Variants in TMEM94 observed in about 807,000 individuals in gnomAD.
TMEM94 encodes transmembrane protein 94.
In TMEM94, 81 loss-of-function variants were observed where a neutral mutation model predicts 158.6. That is an observed-to-expected ratio of 0.51 (90% confidence interval 0.43 to 0.61). The LOEUF (loss-of-function observed/expected upper bound fraction) is 0.61, where lower values mean the gene tolerates loss of function less well. Among genes scored for constraint, TMEM94 ranks in the 20% least tolerant of loss-of-function variants. The probability of loss-of-function intolerance (pLI) is 0.00; values close to 1 mark genes in which losing one functional copy is unlikely to be tolerated. For synonymous variants in TMEM94, 751 were observed against 730.7 expected, an observed-to-expected ratio of 1.03 and a Z score of -0.45; for missense variants, 1,435 against 1,762.0, an observed-to-expected ratio of 0.81 and a Z score of 3.32.
intron 18 of TMEM94, 131 bp downstream of exon 18, chr17:75,494,047 G>T (rs931880768): frequency 6.0e-6 from 5 of 828,216 alleles, no homozygotes; most frequent in Non-Finnish European, 7.4e-6. Flanking sequence ...ACAGCCCCAG[G>T]CTGGGACGCC....
Position 75,492,127 on chromosome 17 carries a change from C to G in TMEM94, c.1596+227C>G. On this transcript the variant is annotated intron_variant, in intron 14 of 31. Coordinates refer to ENST00000314256, the MANE Select transcript of TMEM94 (RefSeq NM_014738.6). The surrounding 1 kb of genome is among the most constrained non-coding windows in gnomAD (Gnocchi z 4.4). The stretch of plus-strand genomic sequence containing the variant: ...CTTGTAATCGCAATCACTGGTGTCC[C>G]TACTGGAACCTTCCAAATATACACA... 1.2e-6 allele frequency: 1 copy of G among 817,936 alleles called. No homozygotes were observed. The highest frequency in any genetic ancestry group is 1.8e-5 in the South Asian group (1 of 54,744). 50.7% of individuals were successfully genotyped at this position (817,936 alleles called of 1,614,324 possible).
intron 1 of TMEM94, among the ~76,000 whole-genome samples, chr17:75,471,139 C>T (rs2050485806): frequency 6.8e-6 from 1 of 147,020 alleles, no homozygotes; most frequent in Non-Finnish European, 1.5e-5. Flanking sequence ...TGGGAGGCTG[C>T]AGCAGGGAAT....
chr17:75,483,574 C>G (rs1288678651), intron 2 of TMEM94, among the ~76,000 whole-genome samples: 3 of 151,894 alleles, frequency 2.0e-5, no homozygotes, highest in Non-Finnish European at 4.4e-5. Context: ...ATTCTCATGC[C>G]TCAGCCACCC....
In TMEM94 at chr17:75,489,515, G is replaced by A; in HGVS notation, c.868-61G>A. On this transcript the variant is annotated intron_variant, in intron 8 of 31. Transcript: ENST00000314256. This position sits in a 1 kb window ranked among gnomAD's most constrained non-coding sequence, Gnocchi z 5.0. ...GTGGAGTAGCAAAGGAAGGGGAACG[G>A]CAGTGCCTGGGTCCCTCTAGAGGGG... The A allele has an allele frequency of 6.6e-7, 1 of 1,526,682 alleles. No homozygotes were observed. Among genetic ancestry groups the A allele is most frequent in the Non-Finnish European group, 9.1e-7 (1 of 1,100,630 alleles). 94.6% of individuals were successfully genotyped at this position (1,526,682 alleles called of 1,614,324 possible).
chr17:75,492,452 C>A lies in TMEM94; in HGVS notation c.1597-22C>A. On this transcript the variant is annotated intron_variant, in intron 14 of 31. Transcript: ENST00000314256. This position sits in a 1 kb window ranked among gnomAD's most constrained non-coding sequence, Gnocchi z 4.4. ...CCCCACACCCTATCCCGGGCTGAGGCTCTCCTCCACATTTCCCCCAGACCC... is the reference window on the plus strand; with the variant it reads ...CCCCACACCCTATCCCGGGCTGAGGATCTCCTCCACATTTCCCCCAGACCC... 1 of 1,557,782 alleles carries A rather than the reference C, an allele frequency of 6.4e-7. No homozygotes were observed.
At position 75,493,592 on chromosome 17, in the gene TMEM94, A is replaced by C; in HGVS notation, c.2188A>C (p.Arg730=). ...ADIYPLSGSD[R]KKVLDFYQRA... ...CATCTACCCTCTCTCGGGATCTGAC[A>C]GGTGGGTGAGGAAGCACATGCCAGC... Residue 730 remains arginine (R), a splice_region_variant and synonymous_variant, in exon 17 of 32, where the codon AGA becomes CGA. Transcript: ENST00000314256. 1 of 1,613,940 alleles carries C rather than the reference A, an allele frequency of 6.2e-7. No homozygotes were observed. Among genetic ancestry groups the C allele is most frequent in the South Asian group, 1.1e-5 (1 of 91,088 alleles).
chr17:75,458,688 C>A (rs1373316442), intron 1 of TMEM94, among the ~76,000 whole-genome samples: 2 of 140,192 alleles, frequency 1.4e-5, no homozygotes, highest in African/African-American at 6.0e-5. Context: ...GAGCAAGACT[C>A]TGTCTCCAAA....
rs1385824261 is a variant in TMEM94 at position 75,498,140 on chromosome 17, G to A, written c.3490-35G>A. 3 of 1,609,280 alleles carry A rather than the reference G, an allele frequency of 1.9e-6. No homozygotes were observed. The highest frequency in any genetic ancestry group is 1.3e-5 in the African/African-American group (1 of 74,870). On this transcript the variant is annotated intron_variant, in intron 27 of 31. Coordinates refer to ENST00000314256, the MANE Select transcript of TMEM94 (RefSeq NM_014738.6). This position sits in a 1 kb window ranked among gnomAD's most constrained non-coding sequence, Gnocchi z 6.7. ...GCTAGGAGCAGCCGGCAGAGGGGCT[G>A]TGCGCCCCAGGAGTGACTGGCCTTG...
rs1267367320 is a variant in TMEM94, at chr17:75,496,433, C to G, written c.3205C>G (p.Gln1069Glu). ...CCTGCCCTGTTCCCTGACCTTTCGC[C>G]AGGAGGAGACCATCAGCATCATCCG... ...NSLPCSLTFR[Q>E]EETISIIRLI... Residue 1069 changes from glutamine to glutamate, a missense_variant, in exon 24 of 32, where the codon CAG becomes GAG. Physicochemically the swap from Gln to Glu is conservative, Grantham distance 29. Coordinates refer to ENST00000314256, the MANE Select transcript of TMEM94 (RefSeq NM_014738.6). 1 of 1,613,582 alleles carries G rather than the reference C, an allele frequency of 6.2e-7. No homozygotes were observed.
chr17:75,485,966 G>A lies in TMEM94; in HGVS notation c.240G>A (p.Leu80=), dbSNP rs2051562270. The change falls in exon 4 of 32, where the codon CTG becomes CTA. Residue 80 remains leucine (L), a synonymous_variant. Coordinates refer to ENST00000314256, the MANE Select transcript of TMEM94 (RefSeq NM_014738.6). The surrounding 1 kb of genome is among the most constrained non-coding windows in gnomAD (Gnocchi z 5.5). ...ASLMLLAVLL[L]LGCCGGQPAG... ...TCATGCTACTGGCCGTGCTGCTGCT[G>A]CTGGGCTGCTGCGGGGGACAGCCAG... The A allele has an allele frequency of 6.2e-7, 1 of 1,612,912 alleles. No homozygotes were observed. The highest frequency in any genetic ancestry group is 8.5e-7 in the Non-Finnish European group (1 of 1,179,778).
At position 75,471,251 on chromosome 17, in the gene TMEM94, AAAAGAAAG is replaced by A. The variant is rs547383968; in HGVS notation, c.-106-533_-106-526del. ...GAGAATCCGTCTCAAAAAAAAAAAA[AAAAGAAAG>A]AAAGAAAGAAAGAAAATGAAGGGTG... is the stretch of plus-strand genomic sequence containing the variant. On this transcript the variant is annotated intron_variant, in intron 1 of 31. Coordinates refer to ENST00000314256, the MANE Select transcript of TMEM94 (RefSeq NM_014738.6). Among the ~76,000 whole-genome samples, 45 of 141,450 alleles carry A rather than the reference AAAAGAAAG, an allele frequency of 3.2e-4. No homozygotes were observed. In the South Asian group the frequency reaches 9.7e-3, roughly 30 times the overall value. The allele number at this position is 141,450 out of a possible 152,430, so 92.8% of individuals were successfully genotyped here.
rs2051727038 is a variant in TMEM94 at position 75,487,540 on chromosome 17, C to T, written c.410-392C>T. Among the ~76,000 whole-genome samples the T allele has an allele frequency of 6.6e-6, 1 of 152,214 alleles. No individual in the cohort carries two copies. Among genetic ancestry groups the T allele is most frequent in the African/African-American group, 2.4e-5 (1 of 41,450 alleles). On this transcript the variant is annotated intron_variant, in intron 5 of 31. Coordinates refer to ENST00000314256, the MANE Select transcript of TMEM94 (RefSeq NM_014738.6). This position sits in a 1 kb window ranked among gnomAD's most constrained non-coding sequence, Gnocchi z 4.6. Reference sequence around the variant, plus strand: ...ACAGGGATCTTTGTTAATGCTTAGCCGTGTTTGCCTTGTTTGGCGTTATCT... The same window carrying T: ...ACAGGGATCTTTGTTAATGCTTAGCTGTGTTTGCCTTGTTTGGCGTTATCT...
chr17:75,476,301 C>T (rs534799824), intron 2 of TMEM94, among the ~76,000 whole-genome samples: 1 of 152,292 alleles, frequency 6.6e-6, no homozygotes, highest in South Asian at 2.1e-4. Flanking sequence ...TGGTGCCCCT[C>T]AGCTAACCCC....
In TMEM94 at chr17:75,487,643, C is replaced by G. The variant is rs1285169667; in HGVS notation, c.410-289C>G. On this transcript the variant is annotated intron_variant, in intron 5 of 31. Coordinates refer to ENST00000314256, the MANE Select transcript of TMEM94 (RefSeq NM_014738.6). This position sits in a 1 kb window ranked among gnomAD's most constrained non-coding sequence, Gnocchi z 4.6. ...TGTTGTCTCCACCTTGCACCCCTCA[C>G]AGGCCCTCTGCAATGTTTGTGAAGT... Among the ~76,000 whole-genome samples, 6 of 152,224 alleles carry G rather than the reference C, an allele frequency of 3.9e-5. No individual in the cohort carries two copies. Among genetic ancestry groups the G allele is most frequent in the Non-Finnish European group, 1.5e-5 (1 of 68,046 alleles).
intron 2 of TMEM94, among the ~76,000 whole-genome samples, chr17:75,477,071 C>T (rs1310165694): frequency 6.6e-6 from 1 of 152,150 alleles, no homozygotes; most frequent in East Asian, 1.9e-4. Flanking sequence ...AGGATGCCAT[C>T]CCTCCTCAGG....
intron 4 of TMEM94, 113 bp from the exon 5 acceptor site, chr17:75,486,177 C>A: frequency 6.6e-7 from 1 of 1,508,268 alleles, no homozygotes; most frequent in Non-Finnish European, 9.0e-7. Context: ...GGCACCAGAA[C>A]GGGACAGTCT....
rs780453702 is a variant in TMEM94 at position 75,485,563 on chromosome 17, G to A, written c.144+16G>A. ...GACGTGGAAGGTGAAGCTTCTTCTC[G>A]GGGCTACCAGGGCCTGGCTGGGATG... is the stretch of plus-strand genomic sequence containing the variant. On this transcript the variant is annotated intron_variant, in intron 3 of 31. Transcript: ENST00000314256. This position sits in a 1 kb window ranked among gnomAD's most constrained non-coding sequence, Gnocchi z 5.5. 8.7e-6 allele frequency: 14 copies of A among 1,614,022 alleles called. No homozygotes were observed. The highest frequency in any genetic ancestry group is 5.3e-5 in the African/African-American group (4 of 75,040).
At chr17:75,461,615 T>C (rs1378565462) in intron 1 of TMEM94, among the ~76,000 whole-genome samples, 6 of 152,122 alleles carry the variant, frequency 3.9e-5, no homozygotes, top group Non-Finnish European at 1.5e-5. Context: ...CTTTTGGTAC[T>C]GAATCTAAGA....
intron 18 of TMEM94, 144 bp downstream of exon 18, chr17:75,494,060 T>A: frequency 1.3e-6 from 1 of 743,890 alleles, no homozygotes; most frequent in Non-Finnish European, 2.2e-6. Flanking sequence ...GGGACGCCAG[T>A]GTGGCACTCT....
Sources: allele counts gnomAD v4.1 joint callset (sites outside exome capture counted in the v4.1 genomes callset), GRCh38; gene constraint gnomAD v4.1.1; non-coding constraint Gnocchi (gnomAD v3.1); transcripts MANE v1.5; gene names NCBI Gene and HGNC (gene_info 2026-07-23, HGNC 2026-07-21).